DPY19L2: variants seen among roughly 807,000 people sequenced by gnomAD.
DPY19L2 encodes probable C-mannosyltransferase DPY19L2.
A neutral mutation model predicts 97.9 loss-of-function variants in DPY19L2; 34 were observed. The observed-to-expected ratio is 0.35, with a 90% CI of 0.26 to 0.46. DPY19L2 has a LOEUF of 0.46. DPY19L2 is among the 20% of genes least tolerant of loss of function. The pLI, the probability that DPY19L2 is intolerant of heterozygous loss-of-function variation, is 1.00. For missense variants in DPY19L2, 623 were observed against 911.4 expected (o/e 0.68, Z 4.07); for synonymous variants, 230 against 307.9 (o/e 0.75, Z 2.65).
chr12:63,640,801 A>C (rs1334370145), intron 6 of DPY19L2, among the ~76,000 whole-genome samples: 1 of 152,178 alleles, frequency 6.6e-6, no homozygotes, highest in South Asian at 2.1e-4. Context: ...AATTTTAGTC[A>C]TTGTTGTGTA....
At chr12:63,643,450 ATTAATT>A (rs557031884) in intron 6 of DPY19L2, among the ~76,000 whole-genome samples, 3 of 152,296 alleles carry the variant, frequency 2.0e-5, no homozygotes, top group South Asian at 2.1e-4. Context: ...AAAGCTATCA[ATTAATT>A]TTAATTTTAA....
intron 21 of DPY19L2, among the ~76,000 whole-genome samples, chr12:63,562,270 T>C (rs1448956764): frequency 6.6e-6 from 1 of 152,176 alleles, no homozygotes; most frequent in African/African-American, 2.4e-5. Flanking sequence ...GTAATCCTAA[T>C]TATTGCATGC....
intron 3 of DPY19L2, among the ~76,000 whole-genome samples, chr12:63,662,437 A>C (rs916669155): frequency 3.3e-5 from 5 of 151,962 alleles, no homozygotes; most frequent in Non-Finnish European, 5.9e-5. Flanking sequence ...ATAACAAAGC[A>C]ATACAACAAT....
intron 16 of DPY19L2, chr12:63,584,074 C>G (rs1273643558): frequency 4.5e-6 from 2 of 441,948 alleles, no homozygotes; most frequent in Non-Finnish European, 8.2e-6. Context: ...TTGGTTAAGA[C>G]AAAATAGATT....
At chr12:63,581,348 A>G (rs1197362843) in intron 18 of DPY19L2, among the ~76,000 whole-genome samples, 2 of 152,098 alleles carry the variant, frequency 1.3e-5, no homozygotes, top group African/African-American at 2.4e-5. Context: ...TGTATGTTAG[A>G]TAACAGTGAT....
intron 14 of DPY19L2, among the ~76,000 whole-genome samples, chr12:63,596,452 A>G (rs997414100): frequency 6.6e-6 from 1 of 152,064 alleles, no homozygotes; most frequent in Non-Finnish European, 1.5e-5. Flanking sequence ...AAAGTTAATG[A>G]CTAAAACTAT....
rs142775526 is a variant in DPY19L2, at chr12:63,565,406, T to G, written c.2126+3818A>C. 8.8e-3 allele frequency among the ~76,000 whole-genome samples: 1,334 copies of G among 152,256 alleles called. 14 individuals are homozygous for G. The highest frequency in any genetic ancestry group is 0.03 in the African/African-American group (1,244 of 41,544). On this transcript the variant is annotated intron_variant, in intron 21 of 21. Transcript: ENST00000324472. ...TAGAAGCTGGCCTCCTTCCTTGGCT[T>G]GTGGCCTTATATCACTCCAACTTCT...
intron 13 of DPY19L2, among the ~76,000 whole-genome samples, chr12:63,598,288 G>A (rs1884590686): frequency 6.6e-6 from 1 of 152,098 alleles, no homozygotes; most frequent in African/African-American, 2.4e-5. Flanking sequence ...AACATACATT[G>A]TAGGTCATAA....
chr12:63,592,564 G>T lies in DPY19L2; in HGVS notation c.1580+1523C>A, dbSNP rs1181174101. ...AAGGATTCCCTATTTAATAAATGGT[G>T]CTGGGAAAACTGGCTAGCCATATGT... On this transcript the variant is annotated intron_variant, in intron 16 of 21. Coordinates refer to ENST00000324472, the MANE Select transcript of DPY19L2 (RefSeq NM_173812.5). Among the ~76,000 whole-genome samples, 5 of 150,014 alleles carry T rather than the reference G, an allele frequency of 3.3e-5. 1 individual carries two copies. The highest frequency in any genetic ancestry group is 9.8e-5 in the African/African-American group (4 of 40,680).
At chr12:63,644,694 G>A (rs1258905323) in intron 5 of DPY19L2, among the ~76,000 whole-genome samples, 198 bp from the exon 6 acceptor site, 4 of 151,816 alleles carry the variant, frequency 2.6e-5, no homozygotes, top group Non-Finnish European at 5.9e-5. Context: ...ATATATGTAT[G>A]TGTGTATATA....
chr12:63,563,358 A>G (rs2137244599), intron 21 of DPY19L2, among the ~76,000 whole-genome samples: 1 of 152,254 alleles, frequency 6.6e-6, no homozygotes, highest in Non-Finnish European at 1.5e-5. Context: ...CCAAGGTTAC[A>G]ATAATTTTCT....
At chr12:63,634,651 G>T (rs530371299) in intron 6 of DPY19L2, among the ~76,000 whole-genome samples, 28 of 152,200 alleles carry the variant, frequency 1.8e-4, no homozygotes, top group African/African-American at 6.5e-4. Flanking sequence ...ACATGGCTCA[G>T]AAGGTCCCAT....
chr12:63,585,678 A>G (rs1003579564), intron 16 of DPY19L2, among the ~76,000 whole-genome samples: 1 of 152,144 alleles, frequency 6.6e-6, no homozygotes, highest in Non-Finnish European at 1.5e-5. Context: ...CTGATACTTT[A>G]TTTAAATCAA....
rs199892258 is a variant in DPY19L2, at chr12:63,664,006, TG to T, written c.363-162del. 2.1e-3 allele frequency among the ~76,000 whole-genome samples: 326 copies of T among 152,302 alleles called. 6 individuals carry two copies. The highest frequency in any genetic ancestry group is 0.015 in the Admixed American group (222 of 15,306). ...GTTTTTCAGCATTTATAATCCAGTATGGCACACACCTGAAATTCCTTAACTC... is the reference window on the plus strand; with the variant it reads ...GTTTTTCAGCATTTATAATCCAGTATGCACACACCTGAAATTCCTTAACTC... On this transcript the variant is annotated intron_variant, in intron 2 of 21. Coordinates refer to ENST00000324472, the MANE Select transcript of DPY19L2 (RefSeq NM_173812.5).
intron 16 of DPY19L2, among the ~76,000 whole-genome samples, chr12:63,593,723 T>C (rs992152642): frequency 1.3e-5 from 2 of 151,980 alleles, no homozygotes; most frequent in Non-Finnish European, 2.9e-5. Flanking sequence ...CACACCAGCA[T>C]GGCACATGTA....
intron 9 of DPY19L2, among the ~76,000 whole-genome samples, chr12:63,620,443 A>G (rs1314978225): frequency 6.6e-6 from 1 of 152,200 alleles, no homozygotes; most frequent in East Asian, 1.9e-4. Flanking sequence ...AGGAAAATCT[A>G]TAGGTAGATA....
chr12:63,572,172 G>C (rs1343718926), intron 19 of DPY19L2, among the ~76,000 whole-genome samples: 2 of 152,142 alleles, frequency 1.3e-5, no homozygotes, highest in African/African-American at 4.8e-5. Context: ...GACCTGCCCT[G>C]GGCTGGAAGA....
At chr12:63,567,864 G>A in intron 21 of DPY19L2, among the ~76,000 whole-genome samples, 1 of 152,048 alleles carries the variant, frequency 6.6e-6, no homozygotes, top group East Asian at 1.9e-4. Flanking sequence ...ATGTTGGGAA[G>A]TCAGATGTTT....
At chr12:63,668,597 C>A (rs1275133785), upstream of DPY19L2, 10 of 589,366 alleles carry the variant, frequency 1.7e-5, no homozygotes, top group Non-Finnish European at 3.0e-5. Context: ...CCCTGAGTGT[C>A]CCCTCACGTG....
Sources: gnomAD v4.1 joint callset for allele counts (sites outside exome capture counted in the v4.1 genomes callset) on GRCh38, gnomAD v4.1.1 for gene constraint, MANE v1.5 for transcripts, NCBI Gene and HGNC (gene_info 2026-07-23, HGNC 2026-07-21) for gene names.